The following MMD2 variants were observed in gnomAD, a reference collection of about 807,000 sequenced individuals.
MMD2 encodes monocyte to macrophage differentiation factor 2.
In MMD2, 30 loss-of-function variants were observed where a neutral mutation model predicts 33.5. The observed-to-expected ratio is 0.90, with a 90% CI of 0.67 to 1.22. The LOEUF is 1.22. Ranked by LOEUF, MMD2 falls within the 50% of genes most tolerant of loss-of-function variation. The pLI is 0.00. For synonymous variants in MMD2, 129 were observed against 123.0 expected (o/e 1.05, Z -0.32); for missense variants, 364 against 325.4 (o/e 1.12, Z -0.91).
At chr7:4,945,775 ATGT>A (rs58579743) in intron 1 of MMD2, among the ~76,000 whole-genome samples, 20,634 of 151,178 alleles carry the variant, frequency 0.14, 1,667 homozygotes, top group Admixed American at 0.22. Flanking sequence ...GGGATTCATC[ATGT>A]TGCCCAGGCT....
At chr7:4,897,105 C>G in the MMD2 span, among the ~76,000 whole-genome samples, 4 of 152,058 alleles carry the variant, frequency 2.6e-5, no homozygotes, top group African/African-American at 9.6e-5. Flanking sequence ...AGTTATCCCC[C>G]TCCTTAGCAC....
rs564830650 is a variant in MMD2 at position 4,952,475 on chromosome 7, T to G, written c.47+6496A>C. 7.4e-4 allele frequency among the ~76,000 whole-genome samples: 112 copies of G among 152,314 alleles called. 1 individual carries two copies. Among genetic ancestry groups the G allele is most frequent in the African/African-American group, 2.6e-3 (108 of 41,588 alleles). On this transcript the variant is annotated intron_variant, in intron 1 of 6. Coordinates refer to ENST00000401401, the MANE Select transcript of MMD2 (RefSeq NM_198403.4). ...CTGAAAGAACAGCTCCCCCCAGGCA[T>G]AGGCCGGGCGGCCACTGCCCGAACC...
At chr7:4,955,258 A>G (rs563768374) in intron 1 of MMD2, among the ~76,000 whole-genome samples, 13 of 152,322 alleles carry the variant, frequency 8.5e-5, no homozygotes, top group Non-Finnish European at 1.8e-4. Context: ...CTTAATTCTT[A>G]CAGCTTTATG....
the MMD2 span, among the ~76,000 whole-genome samples, chr7:4,900,048 T>C: frequency 6.6e-4 from 100 of 152,134 alleles, 1 homozygote; most frequent in East Asian, 0.013. Flanking sequence ...ATGGCTGTAA[T>C]CCTCGCACTT....
chr7:4,900,797 A>C, the MMD2 span, among the ~76,000 whole-genome samples: 1 of 151,920 alleles, frequency 6.6e-6, no homozygotes, highest in Non-Finnish European at 1.5e-5. Context: ...CCTCCTCTCC[A>C]CACCTTGCTC....
chr7:4,927,303 A>G lies in MMD2; in HGVS notation c.48-1771T>C, dbSNP rs1386330270. Among the ~76,000 whole-genome samples, 6 of 152,058 alleles carry G rather than the reference A, an allele frequency of 3.9e-5. No individual in the cohort carries two copies. In the East Asian group the frequency reaches 1.2e-3, roughly 30 times the overall value. On this transcript the variant is annotated intron_variant, in intron 1 of 6. Coordinates refer to ENST00000401401, the MANE Select transcript of MMD2 (RefSeq NM_198403.4). ...CTCACGCCCGTAATCCCAGCACTTT[A>G]AGAGGCCGAGGCAGGCGGATCACTT... is the stretch of plus-strand genomic sequence containing the variant.
intron 1 of MMD2, among the ~76,000 whole-genome samples, chr7:4,938,831 A>G (rs1382662181): frequency 6.6e-6 from 1 of 152,188 alleles, no homozygotes; most frequent in African/African-American, 2.4e-5. Context: ...TTAAAATCCT[A>G]TCAAATAAAA....
At chr7:4,901,447 T>C (rs1204502027), downstream of MMD2, among the ~76,000 whole-genome samples, 1 of 152,090 alleles carries the variant, frequency 6.6e-6, no homozygotes, top group Non-Finnish European at 1.5e-5. Context: ...AAAAAATACA[T>C]AAATAAATAC....
At chr7:4,909,777 G>T (rs546769580) in intron 6 of MMD2, 104 bp downstream of exon 6, 27 of 1,482,732 alleles carry the variant, frequency 1.8e-5, no homozygotes, top group Non-Finnish European at 2.5e-5. Flanking sequence ...CAGTTTCCCC[G>T]CCTGCCAAAG....
chr7:4,907,568 G>C lies in MMD2; in HGVS notation c.569C>G (p.Thr190Ser). The change falls in exon 7 of 7, where the codon ACC (threonine) becomes AGC (serine). Residue 190 changes from threonine to serine, a missense_variant. Transcript: ENST00000401401. Reference protein sequence around the residue: ...PNTEGIWELVTGGVFYCLGMV... With the variant: ...PNTEGIWELVSGGVFYCLGMV... Reference sequence around the variant, plus strand: ...GCCCAGGCAGTAGAAGACCCCTCCGGTCACCAGCTCCCAGATGCCCTCGGT... The same window carrying C: ...GCCCAGGCAGTAGAAGACCCCTCCGCTCACCAGCTCCCAGATGCCCTCGGT... 1 of 1,612,924 alleles carries C rather than the reference G, an allele frequency of 6.2e-7. No homozygotes were observed.
chr7:4,919,194 C>A (rs1172058004), intron 3 of MMD2, among the ~76,000 whole-genome samples: 2 of 152,184 alleles, frequency 1.3e-5, no homozygotes, highest in East Asian at 3.9e-4. Flanking sequence ...TGTAGCATGC[C>A]TGGAACGAAG....
At chr7:4,916,490 T>C (rs1180370580) in intron 3 of MMD2, among the ~76,000 whole-genome samples, 1 of 151,644 alleles carries the variant, frequency 6.6e-6, no homozygotes, top group African/African-American at 2.4e-5. Context: ...TCAAGCCATT[T>C]TCTTGCCTCA....
downstream of MMD2, among the ~76,000 whole-genome samples, chr7:4,904,502 C>T (rs972278343): frequency 1.3e-5 from 2 of 152,156 alleles, no homozygotes; most frequent in Admixed American, 6.5e-5. Flanking sequence ...TCAGAATGCC[C>T]TCCATGTTCT....
chr7:4,957,072 G>A (rs1448350293), intron 1 of MMD2, among the ~76,000 whole-genome samples: 2 of 151,218 alleles, frequency 1.3e-5, no homozygotes, highest in African/African-American at 2.4e-5. Context: ...AGGCTGAGGC[G>A]GGTGAATCAC....
intron 1 of MMD2, among the ~76,000 whole-genome samples, chr7:4,941,042 T>A (rs1785894158): frequency 6.6e-6 from 1 of 152,108 alleles, no homozygotes; most frequent in Non-Finnish European, 1.5e-5. Flanking sequence ...GGGGCCATGG[T>A]CATCGCTGGC....
At chr7:4,911,288 C>T in intron 4 of MMD2, 42 bp from the exon 5 acceptor site, 1 of 1,490,200 alleles carries the variant, frequency 6.7e-7, no homozygotes. Flanking sequence ...GAGGGGGGCC[C>T]ACCAGGACCC....
intron 1 of MMD2, among the ~76,000 whole-genome samples, chr7:4,957,425 G>C (rs959471709): frequency 6.6e-6 from 1 of 151,814 alleles, no homozygotes; most frequent in African/African-American, 2.4e-5. Context: ...GAGGCGGGGG[G>C]ATCACGACGT....
At chr7:4,921,349 G>A (rs191380199) in intron 2 of MMD2, among the ~76,000 whole-genome samples, 3 of 151,968 alleles carry the variant, frequency 2.0e-5, no homozygotes, top group African/African-American at 4.8e-5. Flanking sequence ...GGCCAGGTGC[G>A]GTGGCTCACA....
chr7:4,940,776 T>A lies in MMD2; in HGVS notation c.48-15244A>T, dbSNP rs2115139616. On this transcript the variant is annotated intron_variant, in intron 1 of 6. Coordinates refer to ENST00000401401, the MANE Select transcript of MMD2 (RefSeq NM_198403.4). The surrounding 1 kb of genome is among the most constrained non-coding windows in gnomAD (Gnocchi z 5.0). ...GGTGGAAGGGGCCCGGGCTTGCATCTCGTGCCAGAGGCGCGGGACTCTGGC... is the reference window on the plus strand; with the variant it reads ...GGTGGAAGGGGCCCGGGCTTGCATCACGTGCCAGAGGCGCGGGACTCTGGC... 6.6e-6 allele frequency among the ~76,000 whole-genome samples: 1 copy of A among 152,218 alleles called. No homozygotes were observed. The highest frequency in any genetic ancestry group is 3.4e-3 in the Middle Eastern group (1 of 294).
Sources: gnomAD v4.1 joint callset for allele counts (sites outside exome capture counted in the v4.1 genomes callset) on GRCh38, gnomAD v4.1.1 for gene constraint, Gnocchi (gnomAD v3.1) non-coding constraint, MANE v1.5 for transcripts, NCBI Gene and HGNC (gene_info 2026-07-23, HGNC 2026-07-21) for gene names.